The following UVRAG variants were observed in gnomAD, a reference collection of about 807,000 sequenced individuals.
UVRAG encodes UV radiation resistance associated.
Under a neutral mutation model 78.0 loss-of-function variants are expected in UVRAG, and 19 were observed. That is an observed-to-expected ratio of 0.24 (90% CI 0.17 to 0.36). The LOEUF is 0.36. UVRAG is among the 10% of genes least tolerant of loss of function. The pLI, the probability that UVRAG is intolerant of heterozygous loss-of-function variation, is 1.00. For missense variants in UVRAG, 740 were observed against 853.8 expected, an observed-to-expected ratio of 0.87 and a Z score of 1.66; for synonymous variants, 323 against 324.6, an observed-to-expected ratio of 1.00 and a Z score of 0.05.
At chr11:75,957,326 A>G (rs1948818994) in intron 6 of UVRAG, among the ~76,000 whole-genome samples, 1 of 151,700 alleles carries the variant, frequency 6.6e-6, no homozygotes, top group Non-Finnish European at 1.5e-5. Context: ...TGTTTTCTGC[A>G]CTGATTTGCC....
At chr11:75,905,226 T>TCA (rs1169871977) in intron 5 of UVRAG, among the ~76,000 whole-genome samples, 2 of 152,216 alleles carry the variant, frequency 1.3e-5, no homozygotes, top group Non-Finnish European at 2.9e-5. Context: ...TCCTCTGTCC[T>TCA]TTTTCTCCTC....
At chr11:75,925,668 A>G (rs867547362) in intron 6 of UVRAG, among the ~76,000 whole-genome samples, 2 of 152,222 alleles carry the variant, frequency 1.3e-5, no homozygotes, top group Non-Finnish European at 2.9e-5. Context: ...TTCCTTTTCT[A>G]CAAAGGGCCT....
At chr11:76,079,675 A>G (rs566106116) in intron 13 of UVRAG, among the ~76,000 whole-genome samples, 1 of 152,292 alleles carries the variant, frequency 6.6e-6, no homozygotes, top group Non-Finnish European at 1.5e-5. Context: ...ACAGTTTTCA[A>G]AGCATTCTCA....
rs773887262 is a variant in UVRAG, at chr11:75,815,462, G to A, written c.55G>A (p.Ala19Thr). Residue 19 changes from alanine to threonine, a missense_variant, in exon 1 of 15, where the codon GCC becomes ACC. Transcript: ENST00000356136. ...GPVPQPPPGP[A>T]AALPPGSAAR... ...CGTCCCCCAGCCACCCCCGGGCCCG[G>A]CCGCTGCTCTGCCTCCCGGTTCTGC... is the stretch of plus-strand genomic sequence containing the variant. The A allele has an allele frequency of 3.2e-6, 4 of 1,248,022 alleles. No homozygotes were observed. Among genetic ancestry groups the A allele is most frequent in the Non-Finnish European group, 4.0e-6 (4 of 995,686 alleles). The allele number at this position is 1,248,022 out of a possible 1,614,324, so 77.3% of individuals were successfully genotyped here.
intron 6 of UVRAG, among the ~76,000 whole-genome samples, chr11:75,936,796 A>G (rs918906902): frequency 2.0e-5 from 3 of 152,192 alleles, no homozygotes; most frequent in African/African-American, 7.2e-5. Context: ...TTTTTTAGAG[A>G]CAAGGTCTTG....
At chr11:76,077,007 C>T (rs1159504490) in intron 13 of UVRAG, among the ~76,000 whole-genome samples, 1 of 148,534 alleles carries the variant, frequency 6.7e-6, no homozygotes, top group East Asian at 1.9e-4. Flanking sequence ...ACATGGCAAA[C>T]CCTGTCTCAA....
intron 7 of UVRAG, among the ~76,000 whole-genome samples, chr11:75,982,190 A>G (rs541446808): frequency 1.3e-5 from 2 of 151,936 alleles, no homozygotes; most frequent in South Asian, 4.2e-4. Context: ...TTCCTCTGAG[A>G]CCTCTCTGGT....
At chr11:75,985,494 C>G (rs898517873) in intron 8 of UVRAG, among the ~76,000 whole-genome samples, 47 of 152,044 alleles carry the variant, frequency 3.1e-4, no homozygotes, top group African/African-American at 1.1e-3. Flanking sequence ...TTCTCCCATT[C>G]TGTGGCTTGC....
At chr11:75,949,333 A>G (rs1467665764) in intron 6 of UVRAG, among the ~76,000 whole-genome samples, 1 of 151,810 alleles carries the variant, frequency 6.6e-6, no homozygotes, top group Admixed American at 6.6e-5. Flanking sequence ...TTAAGTATTG[A>G]TATTCCTCTG....
intron 11 of UVRAG, among the ~76,000 whole-genome samples, chr11:76,011,240 T>C (rs1591129858): frequency 6.6e-6 from 1 of 152,220 alleles, no homozygotes; most frequent in African/African-American, 2.4e-5. Context: ...AAATGTTTAA[T>C]TTTACTCTAA....
intron 14 of UVRAG, among the ~76,000 whole-genome samples, chr11:76,120,923 C>G (rs1203943275): frequency 1.3e-5 from 2 of 152,168 alleles, no homozygotes; most frequent in African/African-American, 4.8e-5. Flanking sequence ...GCTCTTACAT[C>G]TTTTGTAAAG....
intron 14 of UVRAG, among the ~76,000 whole-genome samples, chr11:76,128,251 C>T (rs1952449033): frequency 6.6e-6 from 1 of 152,126 alleles, no homozygotes; most frequent in African/African-American, 2.4e-5. Context: ...AGTGCAAACC[C>T]TACTGTGAAC....
At chr11:75,864,298 C>T (rs191518394) in intron 3 of UVRAG, among the ~76,000 whole-genome samples, 61 of 152,312 alleles carry the variant, frequency 4.0e-4, no homozygotes, top group African/African-American at 1.1e-3. Flanking sequence ...TCAAGCAATC[C>T]GCCTAACTCA....
chr11:76,031,641 A>G (rs912975051), intron 12 of UVRAG, among the ~76,000 whole-genome samples: 11 of 152,158 alleles, frequency 7.2e-5, no homozygotes, highest in African/African-American at 2.4e-4. Flanking sequence ...CTGACATGTG[A>G]CCCCAACCTG....
chr11:75,880,589 G>T (rs1208517757), intron 4 of UVRAG, among the ~76,000 whole-genome samples: 1 of 151,974 alleles, frequency 6.6e-6, no homozygotes, highest in East Asian at 1.9e-4. Flanking sequence ...TTTCACTCTT[G>T]TTGCCCAGAC....
At chr11:75,924,155 G>T (rs1279753010) in intron 6 of UVRAG, among the ~76,000 whole-genome samples, 6 of 152,194 alleles carry the variant, frequency 3.9e-5, no homozygotes, top group Admixed American at 1.3e-4. Context: ...ATGAATGAAT[G>T]AAGAAATGGG....
intron 13 of UVRAG, among the ~76,000 whole-genome samples, chr11:76,067,115 T>C (rs922851585): frequency 6.6e-6 from 1 of 152,164 alleles, no homozygotes. Flanking sequence ...TGTTTTTTAT[T>C]AAGATTGTTG....
chr11:75,938,062 T>G (rs921679158), intron 6 of UVRAG, among the ~76,000 whole-genome samples: 1 of 151,212 alleles, frequency 6.6e-6, no homozygotes, highest in African/African-American at 2.5e-5. Flanking sequence ...AATATGTGTG[T>G]GTATATATAT....
intron 2 of UVRAG, among the ~76,000 whole-genome samples, chr11:75,859,588 G>A (rs999832371): frequency 3.9e-5 from 6 of 151,954 alleles, no homozygotes; most frequent in African/African-American, 1.2e-4. Flanking sequence ...TTATATTCCA[G>A]GTGTCATTCT....
Sources: gnomAD v4.1 joint callset for allele counts (sites outside exome capture counted in the v4.1 genomes callset) on GRCh38, gnomAD v4.1.1 for gene constraint, MANE v1.5 for transcripts, NCBI Gene and HGNC (gene_info 2026-07-23, HGNC 2026-07-21) for gene names.